EYS: variants seen among roughly 807,000 people sequenced by gnomAD.
EYS encodes the protein protein eyes shut homolog.
In EYS, 250 loss-of-function variants were observed where a neutral mutation model predicts 282.1. The observed-to-expected ratio is 0.89, with a 90% CI of 0.80 to 0.98. The LOEUF (loss-of-function observed/expected upper bound fraction) is 0.98, where lower values mean the gene tolerates loss of function less well. EYS is among the 50% of genes least tolerant of loss of function. The probability of loss-of-function intolerance (pLI) is 0.00; values close to 1 mark genes in which losing one functional copy is unlikely to be tolerated. For synonymous variants in EYS, 1,355 were observed against 1,282.9 expected, an observed-to-expected ratio of 1.06 and a Z score of -1.20; for missense variants, 4,016 against 3,709.0, an observed-to-expected ratio of 1.08 and a Z score of -2.15.
At chr6:64,694,425 T>G (rs138961085) in intron 22 of EYS, among the ~76,000 whole-genome samples, 2 of 152,324 alleles carry the variant, frequency 1.3e-5, no homozygotes, top group African/African-American at 4.8e-5. Flanking sequence ...ACTGGGAAGC[T>G]GGGCAACTCA....
At chr6:63,901,302 G>A (rs967206216) in intron 35 of EYS, among the ~76,000 whole-genome samples, 2 of 152,166 alleles carry the variant, frequency 1.3e-5, no homozygotes, top group African/African-American at 4.8e-5. Context: ...GTCAATAAAT[G>A]TGAAGATAGA....
intron 22 of EYS, among the ~76,000 whole-genome samples, chr6:64,641,910 C>T (rs1023280): frequency 0.59 from 89,967 of 152,004 alleles, 26,814 homozygotes; most frequent in South Asian, 0.68. Context: ...CAGTTTTATC[C>T]CCACACAACT....
intron 26 of EYS, among the ~76,000 whole-genome samples, chr6:64,509,510 C>T (rs768410555): frequency 2.7e-4 from 41 of 152,150 alleles, no homozygotes; most frequent in Non-Finnish European, 5.0e-4. Flanking sequence ...GAACAAACTT[C>T]AAATGTATTC....
At chr6:65,120,774 A>G (rs1331675218) in intron 12 of EYS, among the ~76,000 whole-genome samples, 1 of 152,038 alleles carries the variant, frequency 6.6e-6, no homozygotes, top group Non-Finnish European at 1.5e-5. Context: ...TTTCTTCCCC[A>G]TCTCCTTTTA....
At chr6:65,536,399 G>A (rs1293920829) in intron 2 of EYS, among the ~76,000 whole-genome samples, 1 of 151,608 alleles carries the variant, frequency 6.6e-6, no homozygotes. Flanking sequence ...ACAAAATCTA[G>A]GTGACACCTT....
intron 14 of EYS, among the ~76,000 whole-genome samples, chr6:64,956,125 A>T (rs1414630421): frequency 6.6e-6 from 1 of 152,240 alleles, no homozygotes; most frequent in Non-Finnish European, 1.5e-5. Flanking sequence ...CAAAAGACCC[A>T]GGATAGCCAA....
In EYS at chr6:64,570,531, C is replaced by T. The variant is rs565719015; in HGVS notation, c.5644+19692G>A. Among the ~76,000 whole-genome samples, 32 of 151,972 alleles carry T rather than the reference C, an allele frequency of 2.1e-4. No individual in the cohort carries two copies. The South Asian group carries it at 5.8e-3, about 28-fold the overall frequency. ...TAAAGAGTGAAGACCCATGGGTGTG[C>T]GGTATTCAGGAGAACTGTCTCACGT... On this transcript the variant is annotated intron_variant, in intron 26 of 42. Coordinates refer to ENST00000503581, the MANE Select transcript of EYS (RefSeq NM_001142800.2).
At chr6:65,691,073 T>G (rs1769225120) in intron 1 of EYS, among the ~76,000 whole-genome samples, 1 of 150,338 alleles carries the variant, frequency 6.7e-6, no homozygotes, top group African/African-American at 2.4e-5. Flanking sequence ...AGTAAAATGA[T>G]TTATAATCCT....
At chr6:65,345,695 A>G (rs576868948) in intron 9 of EYS, among the ~76,000 whole-genome samples, 4 of 151,872 alleles carry the variant, frequency 2.6e-5, no homozygotes, top group African/African-American at 7.2e-5. Flanking sequence ...CTGACTAAAC[A>G]TTAGGATTTA....
chr6:64,305,105 A>G (rs914792759), intron 30 of EYS, among the ~76,000 whole-genome samples: 1 of 152,212 alleles, frequency 6.6e-6, no homozygotes. Context: ...AATTAACTGA[A>G]CTTAGTTGAT....
At chr6:64,725,151 C>T (rs1771711652) in intron 22 of EYS, among the ~76,000 whole-genome samples, 1 of 152,166 alleles carries the variant, frequency 6.6e-6, no homozygotes, top group Non-Finnish European at 1.5e-5. Context: ...AAGATCCTCT[C>T]TAATATAGAT....
intron 12 of EYS, among the ~76,000 whole-genome samples, chr6:65,150,935 T>A (rs1255231471): frequency 6.6e-6 from 1 of 152,046 alleles, no homozygotes; most frequent in Non-Finnish European, 1.5e-5. Flanking sequence ...TTTTCTTATT[T>A]AATAAATCAT....
intron 29 of EYS, among the ~76,000 whole-genome samples, chr6:64,335,499 A>G (rs1051065406): frequency 3.3e-5 from 5 of 151,980 alleles, no homozygotes; most frequent in Non-Finnish European, 7.4e-5. Context: ...TGCTTCTGTA[A>G]CTCGCTTCCT....
chr6:64,350,826 T>C (rs1297707557), intron 29 of EYS, among the ~76,000 whole-genome samples: 1 of 151,502 alleles, frequency 6.6e-6, no homozygotes, highest in African/African-American at 2.4e-5. Flanking sequence ...TCCCAACGTG[T>C]TGTGGGAGGG....
intron 22 of EYS, among the ~76,000 whole-genome samples, chr6:64,649,957 A>G (rs934627620): frequency 6.6e-6 from 1 of 152,168 alleles, no homozygotes; most frequent in Non-Finnish European, 1.5e-5. Context: ...AGCCTCAAAG[A>G]AATTTTAATA....
chr6:64,910,470 T>C (rs1001165329), intron 16 of EYS, among the ~76,000 whole-genome samples: 4 of 152,060 alleles, frequency 2.6e-5, no homozygotes, highest in African/African-American at 9.7e-5. Context: ...CAATTAGGTT[T>C]AGAAAAACAT....
intron 10 of EYS, among the ~76,000 whole-genome samples, chr6:65,336,756 C>T (rs77739679): frequency 0.046 from 7,015 of 151,446 alleles, 225 homozygotes; most frequent in Middle Eastern, 0.082. Context: ...AGTTATGATG[C>T]TATGTTTTAT....
At chr6:64,921,274 A>G (rs904762832) in intron 15 of EYS, among the ~76,000 whole-genome samples, 1 of 152,174 alleles carries the variant, frequency 6.6e-6, no homozygotes, top group African/African-American at 2.4e-5. Context: ...AATGAACACT[A>G]ACATATCTTT....
chr6:64,978,236 G>A (rs1770536126), intron 14 of EYS, among the ~76,000 whole-genome samples: 1 of 151,842 alleles, frequency 6.6e-6, no homozygotes, highest in Non-Finnish European at 1.5e-5. Context: ...TGAAGTTGAA[G>A]CCAGTGTTCA....
Sources: gnomAD v4.1 joint callset for allele counts (sites outside exome capture counted in the v4.1 genomes callset) on GRCh38, gnomAD v4.1.1 for gene constraint, MANE v1.5 for transcripts, NCBI Gene and HGNC (gene_info 2026-07-23, HGNC 2026-07-21) for gene names.